The following NEK1 variants were observed in gnomAD, a reference collection of about 807,000 sequenced individuals.
NEK1 encodes the protein NIMA related kinase 1.
Under a neutral mutation model 182.1 loss-of-function variants are expected in NEK1, and 137 were observed. The observed-to-expected ratio is 0.75, with a 90% CI of 0.65 to 0.87. The LOEUF (loss-of-function observed/expected upper bound fraction) is 0.87, where lower values mean the gene tolerates loss of function less well. Ranked by LOEUF, NEK1 falls within the 40% of genes least tolerant of loss-of-function variation. NEK1 has a pLI of 0.00. For synonymous variants in NEK1, 513 were observed against 492.2 expected (o/e 1.04, Z -0.56); for missense variants, 1,391 against 1,494.4 (o/e 0.93, Z 1.14).
intron 8 of NEK1, among the ~76,000 whole-genome samples, chr4:169,588,049 A>G (rs1242107858): frequency 6.6e-6 from 1 of 152,128 alleles, no homozygotes; most frequent in Non-Finnish European, 1.5e-5. Context: ...TAGAGAGAGA[A>G]AATAAAGGGT....
chr4:169,529,472 T>C (rs560464665), intron 19 of NEK1, among the ~76,000 whole-genome samples: 92 of 152,164 alleles, frequency 6.0e-4, no homozygotes, highest in African/African-American at 2.1e-3. Flanking sequence ...ATGAAAACTA[T>C]AAAAACTTTA....
At chr4:169,403,346 T>C (rs141124002) in intron 32 of NEK1, among the ~76,000 whole-genome samples, 49 of 152,180 alleles carry the variant, frequency 3.2e-4, no homozygotes, top group Non-Finnish European at 5.4e-4. Context: ...GACAAGAGGA[T>C]TGCTTGAGGC....
intron 23 of NEK1, among the ~76,000 whole-genome samples, chr4:169,492,895 A>C (rs1750378485): frequency 6.6e-6 from 1 of 152,154 alleles, no homozygotes; most frequent in Non-Finnish European, 1.5e-5. Context: ...CTAACCACTG[A>C]AGGGGGCAGC....
chr4:169,436,599 A>C (rs1479719166), intron 28 of NEK1, among the ~76,000 whole-genome samples: 2 of 152,260 alleles, frequency 1.3e-5, no homozygotes, highest in African/African-American at 4.8e-5. Flanking sequence ...AATTGAAGAA[A>C]AAAGTTTAGC....
At chr4:169,537,471 GA>G (rs997374896) in intron 19 of NEK1, among the ~76,000 whole-genome samples, 4 of 151,738 alleles carry the variant, frequency 2.6e-5, no homozygotes, top group Admixed American at 2.0e-4. Flanking sequence ...GCATATTGGG[GA>G]AAAAAAACAT....
chr4:169,485,258 TA>T (rs1748830282), intron 23 of NEK1, among the ~76,000 whole-genome samples: 1 of 152,140 alleles, frequency 6.6e-6, no homozygotes. Flanking sequence ...ACATGGAATC[TA>T]AATAAATGAA....
intron 2 of NEK1, among the ~76,000 whole-genome samples, chr4:169,606,723 T>C (rs1242140088): frequency 6.6e-6 from 1 of 152,246 alleles, no homozygotes; most frequent in Non-Finnish European, 1.5e-5. Flanking sequence ...GGAGATTAAG[T>C]GAAAGTCTAC....
intron 27 of NEK1, among the ~76,000 whole-genome samples, chr4:169,444,342 A>T (rs1740086963): frequency 2.0e-5 from 3 of 151,954 alleles, no homozygotes; most frequent in African/African-American, 4.8e-5. Flanking sequence ...TGAATGGTTA[A>T]AAAAAAATGA....
At chr4:169,507,516 A>T (rs1333586822) in intron 22 of NEK1, among the ~76,000 whole-genome samples, 199 bp downstream of exon 22, 1 of 152,068 alleles carries the variant, frequency 6.6e-6, no homozygotes, top group Non-Finnish European at 1.5e-5. Context: ...TATTTATGCC[A>T]TGGTTTTATC....
intron 19 of NEK1, among the ~76,000 whole-genome samples, chr4:169,535,880 C>CAA (rs58257441): frequency 0.026 from 2,237 of 84,896 alleles, 74 homozygotes; most frequent in African/African-American, 0.086. Flanking sequence ...AACTCCGTGT[C>CAA]AAAAAAAAAA....
rs1391629365 is a variant in NEK1 at position 169,400,576 on chromosome 4, T to G, written c.3659A>C (p.His1220Pro). The change falls in exon 34 of 36, where the codon CAT (histidine) becomes CCT (proline). Residue 1220 changes from histidine to proline, a missense_variant. His to Pro is a moderately conservative substitution (Grantham distance 77, BLOSUM62 -2). This residue lies in a region of NEK1 where 1,216 missense variants were observed against 1,277.6 expected (regional missense o/e 0.95). Coordinates refer to ENST00000507142, the MANE Select transcript of NEK1 (RefSeq NM_001199397.3). Reference sequence around the variant, plus strand: ...TTCAAAGCCCATTTCCTGCTCCAGATGAAGTCTCAGTTCCTCTAAATGGTT... The same window carrying G: ...TTCAAAGCCCATTTCCTGCTCCAGAGGAAGTCTCAGTTCCTCTAAATGGTT... ...VFNHLEELRLHLEQEMGFEKF... is the reference protein window; with the variant it reads ...VFNHLEELRLPLEQEMGFEKF... 2.5e-6 allele frequency: 4 copies of G among 1,609,518 alleles called. No homozygotes were observed.
chr4:169,422,026 G>T (rs1735564544), intron 31 of NEK1, among the ~76,000 whole-genome samples: 1 of 152,106 alleles, frequency 6.6e-6, no homozygotes, highest in African/African-American at 2.4e-5. Context: ...GAAAAACTAG[G>T]AAAGTACAAT....
intron 31 of NEK1, among the ~76,000 whole-genome samples, chr4:169,421,353 A>C (rs1368515244): frequency 6.6e-6 from 1 of 152,200 alleles, no homozygotes; most frequent in Admixed American, 6.6e-5. Context: ...ACAGAACTTC[A>C]AAATACATAA....
chr4:169,584,188 ATAT>A (rs754342984), intron 10 of NEK1, among the ~76,000 whole-genome samples: 9 of 152,280 alleles, frequency 5.9e-5, no homozygotes, highest in Non-Finnish European at 1.2e-4. Context: ...AACTCAACAA[ATAT>A]TATGCACCTA....
chr4:169,522,181 T>C (rs541732224), intron 19 of NEK1, among the ~76,000 whole-genome samples: 105 of 152,342 alleles, frequency 6.9e-4, no homozygotes, highest in Non-Finnish European at 1.3e-3. Context: ...ATCTTAATTT[T>C]GATTATTGTG....
At chr4:169,467,480 T>C (rs1445520186) in intron 26 of NEK1, among the ~76,000 whole-genome samples, 3 of 151,916 alleles carry the variant, frequency 2.0e-5, no homozygotes, top group Non-Finnish European at 4.4e-5. Flanking sequence ...TAGCTAATAA[T>C]TCAACAACAG....
At chr4:169,555,591 TACCCAAGA>T in intron 18 of NEK1, 121 bp downstream of exon 18, 1 of 1,231,734 alleles carries the variant, frequency 8.1e-7, no homozygotes, top group Admixed American at 1.9e-5. Flanking sequence ...AAAATTATTG[TACCCAAGA>T]GGCAAAAAAC....
Position 169,477,444 on chromosome 4 carries a change from G to T in NEK1, c.2193C>A (p.Asn731Lys). 1 of 1,606,158 alleles carries T rather than the reference G, an allele frequency of 6.2e-7. No homozygotes were observed. Among genetic ancestry groups the T allele is most frequent in the Non-Finnish European group, 8.5e-7 (1 of 1,176,258 alleles). ...AAATTTTACTTACTGAAATAGCATT[G>T]TTGGTCTTTTGCATCTCTTCTGAAG... ...RETSEEMQKT[N>K]NAISSKREIL... The change falls in exon 25 of 36, where the codon AAC becomes AAA. Residue 731 changes from asparagine (N) to lysine (K), a missense_variant. This residue lies in a region of NEK1 where 1,216 missense variants were observed against 1,277.6 expected (regional missense o/e 0.95). Transcript: ENST00000507142.
intron 27 of NEK1, among the ~76,000 whole-genome samples, chr4:169,454,871 A>G (rs1170491146): frequency 1.3e-5 from 2 of 152,242 alleles, no homozygotes; most frequent in Admixed American, 1.3e-4. Flanking sequence ...TTTAAGACAC[A>G]TGCACATGTA....
Sources: gnomAD v4.1 joint callset for allele counts (sites outside exome capture counted in the v4.1 genomes callset) on GRCh38, gnomAD v4.1.1 for gene constraint, gnomAD v4.1.1 regional missense constraint, MANE v1.5 for transcripts, NCBI Gene and HGNC (gene_info 2026-07-23, HGNC 2026-07-21) for gene names.